PDE1B: variants seen among roughly 807,000 people sequenced by gnomAD.
PDE1B encodes the protein dual specificity calcium/calmodulin-dependent 3',5'-cyclic nucleotide phosphodiesterase 1B.
PDE1B carries 13 observed loss-of-function variants against 66.7 expected under a neutral mutation model. That is an observed-to-expected ratio of 0.19 (90% CI 0.13 to 0.31). The LOEUF is 0.31. Among genes scored for constraint, PDE1B ranks in the 10% least tolerant of loss-of-function variants. The probability of loss-of-function intolerance (pLI) is 1.00; values close to 1 mark genes in which losing one functional copy is unlikely to be tolerated. For missense variants in PDE1B, 485 were observed against 682.3 expected, an observed-to-expected ratio of 0.71 and a Z score of 3.22; for synonymous variants, 230 against 253.9, an observed-to-expected ratio of 0.91 and a Z score of 0.90.
At chr12:54,576,938 C>T (rs1592176419) in intron 14 of PDE1B, 1 of 607,760 alleles carries the variant, frequency 1.6e-6, no homozygotes, top group Admixed American at 2.9e-5. Context: ...CCCAAGGGTC[C>T]CTGTGCACAC....
chr12:54,563,172 C>T (rs564943951), intron 2 of PDE1B, among the ~76,000 whole-genome samples: 6 of 152,332 alleles, frequency 3.9e-5, no homozygotes, highest in South Asian at 4.1e-4. Context: ...CCACTGTCAG[C>T]GTCATCAAGA....
At chr12:54,551,851 T>G (rs1016642899) in intron 2 of PDE1B, among the ~76,000 whole-genome samples, 1 of 152,204 alleles carries the variant, frequency 6.6e-6, no homozygotes, top group African/African-American at 2.4e-5. Context: ...TTAGCTGAGA[T>G]GTCCTTACAT....
chr12:54,571,591 G>A (rs1001407374), intron 6 of PDE1B: 9 of 152,188 alleles, frequency 5.9e-5, no homozygotes, highest in African/African-American at 2.2e-4. Context: ...GAAGGAGGGG[G>A]TGCTTCTTGT....
intron 3 of PDE1B, among the ~76,000 whole-genome samples, chr12:54,568,031 T>C (rs1046888768): frequency 1.3e-5 from 2 of 152,122 alleles, no homozygotes; most frequent in South Asian, 2.1e-4. Flanking sequence ...AATTTTTGTA[T>C]TTTTAGTAGA....
At position 54,575,514 on chromosome 12, in the gene PDE1B, A is replaced by C; in HGVS notation, c.1186-37A>C. The C allele has an allele frequency of 6.8e-7, 1 of 1,470,806 alleles. No individual in the cohort carries two copies. Among genetic ancestry groups the C allele is most frequent in the Non-Finnish European group, 9.5e-7 (1 of 1,049,818 alleles). 91.1% of individuals were successfully genotyped at this position (1,470,806 alleles called of 1,614,324 possible). A position where few individuals can be genotyped will look rare whatever the true frequency, so the allele number is the denominator to read the frequency against. On this transcript the variant is annotated intron_variant, in intron 11 of 15. Transcript: ENST00000243052. This position sits in a 1 kb window ranked among gnomAD's most constrained non-coding sequence, Gnocchi z 4.0. Reference sequence around the variant, plus strand: ...ACCCCAGATCTGGTAGGTCTGAGGTATCCTCTCCAGCTTTCCTACCCTGTT... The same window carrying C: ...ACCCCAGATCTGGTAGGTCTGAGGTCTCCTCTCCAGCTTTCCTACCCTGTT...
intron 2 of PDE1B, among the ~76,000 whole-genome samples, chr12:54,554,960 G>A (rs951481364): frequency 6.6e-6 from 1 of 152,138 alleles, no homozygotes; most frequent in African/African-American, 2.4e-5. Flanking sequence ...AGATTCAAGA[G>A]GTAGGAATAT....
intron 2 of PDE1B, among the ~76,000 whole-genome samples, chr12:54,562,436 C>T (rs1004364805): frequency 4.6e-5 from 7 of 152,196 alleles, no homozygotes; most frequent in Non-Finnish European, 1.0e-4. Context: ...GGATGGAGTT[C>T]GAAGGAAAGT....
intron 2 of PDE1B, among the ~76,000 whole-genome samples, chr12:54,564,057 G>A (rs564140039): frequency 8.5e-5 from 13 of 152,232 alleles, no homozygotes; most frequent in African/African-American, 2.9e-4. Flanking sequence ...GAAGGAGGTG[G>A]GGAGGGAGGG....
Position 54,575,512 on chromosome 12 carries a change from G to C in PDE1B, c.1186-39G>C. On this transcript the variant is annotated intron_variant, in intron 11 of 15. Transcript: ENST00000243052. The surrounding 1 kb of genome is among the most constrained non-coding windows in gnomAD (Gnocchi z 4.0). ...GTACCCCAGATCTGGTAGGTCTGAG[G>C]TATCCTCTCCAGCTTTCCTACCCTG... The C allele has an allele frequency of 6.9e-7, 1 of 1,456,350 alleles. No homozygotes were observed. Among genetic ancestry groups the C allele is most frequent in the East Asian group, 2.3e-5 (1 of 44,090 alleles). The allele number at this position is 1,456,350 out of a possible 1,614,324, so 90.2% of individuals were successfully genotyped here.
In PDE1B at chr12:54,575,392, T is replaced by G; in HGVS notation, c.1186-159T>G. On this transcript the variant is annotated intron_variant, in intron 11 of 15. Coordinates refer to ENST00000243052, the MANE Select transcript of PDE1B (RefSeq NM_000924.4). The surrounding 1 kb of genome is among the most constrained non-coding windows in gnomAD (Gnocchi z 4.0). ...CTAAAAGCCTAACAATAGTTGCATT[T>G]CATTTGCATATATTTCATTTGCATA... The G allele has an allele frequency of 2.6e-6, 2 of 767,782 alleles. No homozygotes were observed. Among genetic ancestry groups the G allele is most frequent in the Non-Finnish European group, 4.5e-6 (2 of 439,974 alleles). The allele number at this position is 767,782 out of a possible 1,614,324, so 47.6% of individuals were successfully genotyped here.
chr12:54,549,799 AG>A, intron 1 of PDE1B, 27 bp downstream of exon 1: 1 of 1,168,956 alleles, frequency 8.6e-7, no homozygotes, highest in Non-Finnish European at 1.3e-6. Context: ...ATGGGGGGTG[AG>A]GGTCTCTCGG....
intron 2 of PDE1B, among the ~76,000 whole-genome samples, chr12:54,556,170 C>A (rs1443934153): frequency 6.6e-6 from 1 of 152,174 alleles, no homozygotes; most frequent in Non-Finnish European, 1.5e-5. Context: ...TTCCAACTCT[C>A]TTCAGGATAG....
At chr12:54,574,692 C>T (rs1034563494) in intron 10 of PDE1B, 15 of 170,774 alleles carry the variant, frequency 8.8e-5, no homozygotes, top group South Asian at 8.5e-4. Flanking sequence ...TATGTGAGGC[C>T]GGGCGTGGTG....
At position 54,576,039 on chromosome 12, in the gene PDE1B, G is replaced by A. The variant is rs1388934391; in HGVS notation, c.1315G>A (p.Val439Met). 6 of 1,613,992 alleles carry A rather than the reference G, an allele frequency of 3.7e-6. No individual in the cohort carries two copies. The highest frequency in any genetic ancestry group is 3.3e-5 in the Admixed American group (2 of 60,012). Residue 439 changes from valine to methionine, a missense_variant, in exon 13 of 16, where the codon GTG (valine) becomes ATG (methionine). Coordinates refer to ENST00000243052, the MANE Select transcript of PDE1B (RefSeq NM_000924.4). ...VEPTFSVLTD[V>M]AEKSVQPLAD... ...GCCCACATTCTCTGTGCTGACTGAC[G>A]TGGCAGAGAAGAGTGTTCAGCCCCT...
In PDE1B at chr12:54,568,467, TACACACAC is replaced by T. The variant is rs56360853; in HGVS notation, c.228-680_228-673del. On this transcript the variant is annotated intron_variant, in intron 3 of 15. Coordinates refer to ENST00000243052, the MANE Select transcript of PDE1B (RefSeq NM_000924.4). ...GATAAAGTGAGACCCTGTCTAAAAA[TACACACAC>T]ACACACACACACACACACACACACA... 8.8e-3 allele frequency among the ~76,000 whole-genome samples: 1,267 copies of T among 143,462 alleles called. 16 individuals carry two copies. The highest frequency in any genetic ancestry group is 0.029 in the African/African-American group (1,086 of 37,332). 94.1% of individuals were successfully genotyped at this position (143,462 alleles called of 152,430 possible). A position where few individuals can be genotyped will look rare whatever the true frequency, so the allele number is the denominator to read the frequency against.
At chr12:54,576,743 G>A (rs768400237) in intron 14 of PDE1B, 42 bp downstream of exon 14, 2 of 1,564,748 alleles carry the variant, frequency 1.3e-6, no homozygotes, top group African/African-American at 1.4e-5. Flanking sequence ...ACTTGTGTGG[G>A]TGGATCATGG....
At chr12:54,562,551 G>GGTTTGGATTAAAA (rs1957436492) in intron 2 of PDE1B, among the ~76,000 whole-genome samples, 3 of 152,200 alleles carry the variant, frequency 2.0e-5, no homozygotes, top group Admixed American at 6.5e-5. Flanking sequence ...TTCCTTGATG[G>GGTTTGGATTAAAA]CTGAAACAGA....
At chr12:54,574,861 G>T in intron 10 of PDE1B, 1 of 340,364 alleles carries the variant, frequency 2.9e-6, no homozygotes, top group South Asian at 3.8e-5. Flanking sequence ...TGTAGTCCCA[G>T]CTATTCGGGA....
intron 14 of PDE1B, 56 bp from the exon 15 acceptor site, chr12:54,577,167 GGT>G: frequency 7.1e-7 from 1 of 1,406,460 alleles, no homozygotes; most frequent in Non-Finnish European, 1.0e-6. Context: ...ATACTCCTTG[GGT>G]TCTGGGGAAG....
Sources: gnomAD v4.1 joint callset for allele counts (sites outside exome capture counted in the v4.1 genomes callset) on GRCh38, gnomAD v4.1.1 for gene constraint, Gnocchi (gnomAD v3.1) non-coding constraint, MANE v1.5 for transcripts, NCBI Gene and HGNC (gene_info 2026-07-23, HGNC 2026-07-21) for gene names.